The following ARHGEF3 variants were observed in gnomAD, a reference collection of about 807,000 sequenced individuals.
ARHGEF3 encodes Rho guanine nucleotide exchange factor 3, also known as 59.8 kDA protein.
A neutral mutation model predicts 63.2 loss-of-function variants in ARHGEF3; 28 were observed. The ratio of observed to expected loss-of-function variants is 0.44; its 90% confidence interval spans 0.33 to 0.61. ARHGEF3 has a LOEUF of 0.61. Among genes scored for constraint, ARHGEF3 ranks in the 20% least tolerant of loss-of-function variants. The probability of loss-of-function intolerance (pLI) is 0.03; values close to 1 mark genes in which losing one functional copy is unlikely to be tolerated. For missense variants in ARHGEF3, 533 were observed against 659.3 expected (o/e 0.81, Z 2.10); for synonymous variants, 266 against 254.2 (o/e 1.05, Z -0.44).
At chr3:57,036,159 C>G (rs1266490143) in intron 1 of ARHGEF3, among the ~76,000 whole-genome samples, 1 of 152,112 alleles carries the variant, frequency 6.6e-6, no homozygotes, top group Non-Finnish European at 1.5e-5. Context: ...AGTACTCAAT[C>G]AGTACTTAAT....
Position 56,949,494 on chromosome 3 carries a change from A to T in ARHGEF3, c.129+9329T>A, listed in dbSNP as rs1336291554. Among the ~76,000 whole-genome samples the T allele has an allele frequency of 2.6e-5, 4 of 151,488 alleles. 1 individual carries two copies. The highest frequency in any genetic ancestry group is 9.8e-5 in the African/African-American group (4 of 40,832). On this transcript the variant is annotated intron_variant, in intron 3 of 12. Transcript: ENST00000338458. ...ATTCTTATACACCAATAATAGACAA[A>T]CAGAGAGCCAAATCATGAGTGAACT...
chr3:56,882,988 T>A lies in ARHGEF3; in HGVS notation c.130-634A>T, dbSNP rs373822984. 4.6e-5 allele frequency among the ~76,000 whole-genome samples: 7 copies of A among 152,348 alleles called. No individual in the cohort carries two copies. The East Asian group carries it at 7.7e-4, about 17-fold the overall frequency. On this transcript the variant is annotated intron_variant, in intron 3 of 12. Coordinates refer to the ARHGEF3 transcript ENST00000338458. ...AAGGCTTAGAAATTTAGATACAAAG[T>A]TCAGATTCTGACTAACTTGGAAGAG... is the stretch of plus-strand genomic sequence containing the variant.
intron 4 of ARHGEF3, among the ~76,000 whole-genome samples, chr3:56,826,726 G>A (rs977043824): frequency 7.2e-5 from 11 of 152,110 alleles, no homozygotes; most frequent in African/African-American, 2.2e-4. Flanking sequence ...TACCAGCTCA[G>A]CAGATGGAAA....
rs147813375 is a variant in ARHGEF3, at chr3:56,814,303, G to A, written c.193-40487C>T. On this transcript the variant is annotated intron_variant, in intron 4 of 12. Transcript: ENST00000338458. ...AAAACGTTATGAGACTTTTTTTTGC[G>A]ATTTTTTTTAAGCTCATCAGCTATT... Among the ~76,000 whole-genome samples the A allele has an allele frequency of 3.9e-4, 59 of 152,050 alleles. No individual in the cohort carries two copies. The East Asian group carries it at 9.3e-3, about 24-fold the overall frequency.
chr3:56,744,170 G>A (rs966404590), intron 7 of ARHGEF3, among the ~76,000 whole-genome samples: 2 of 151,934 alleles, frequency 1.3e-5, no homozygotes, highest in African/African-American at 2.4e-5. Context: ...CCCCAGGCAC[G>A]ACCTGTCCTG....
chr3:57,004,710 T>C (rs1340833564), intron 2 of ARHGEF3, among the ~76,000 whole-genome samples: 1 of 152,230 alleles, frequency 6.6e-6, no homozygotes, highest in Non-Finnish European at 1.5e-5. Context: ...CTCATGCCTG[T>C]AATCCAGCAC....
At chr3:57,052,064 C>T (rs1704696315) in intron 1 of ARHGEF3, among the ~76,000 whole-genome samples, 1 of 152,152 alleles carries the variant, frequency 6.6e-6, no homozygotes, top group African/African-American at 2.4e-5. Context: ...GTAATTATCA[C>T]ACTAAAGCCA....
chr3:57,035,186 A>G (rs1208232643), intron 1 of ARHGEF3: 2 of 1,428,470 alleles, frequency 1.4e-6, no homozygotes, highest in Non-Finnish European at 1.9e-6. Flanking sequence ...CCTTTTTTAA[A>G]AAGCAAAACA....
chr3:56,746,146 G>A (rs928015561), intron 6 of ARHGEF3, among the ~76,000 whole-genome samples: 2 of 152,142 alleles, frequency 1.3e-5, no homozygotes, highest in Non-Finnish European at 2.9e-5. Context: ...TCTAATCTAA[G>A]AGCTATCAGC....
intron 1 of ARHGEF3, among the ~76,000 whole-genome samples, chr3:56,798,527 T>C (rs2037478790): frequency 7.9e-6 from 1 of 126,404 alleles, no homozygotes; most frequent in Non-Finnish European, 1.7e-5. Context: ...TGCTTCCTTT[T>C]CTTTACTTCG....
At chr3:56,981,182 T>C (rs1394180300) in intron 2 of ARHGEF3, among the ~76,000 whole-genome samples, 1 of 152,244 alleles carries the variant, frequency 6.6e-6, no homozygotes, top group Non-Finnish European at 1.5e-5. Context: ...GACTGAGATA[T>C]CTGCTTGGTG....
chr3:56,749,730 T>C (rs541310572), intron 6 of ARHGEF3, among the ~76,000 whole-genome samples: 1 of 152,338 alleles, frequency 6.6e-6, no homozygotes, highest in South Asian at 2.1e-4. Context: ...TATTAAGGCA[T>C]ATTTTCTAAA....
At chr3:56,949,213 T>G (rs1399184362) in intron 3 of ARHGEF3, among the ~76,000 whole-genome samples, 1 of 151,914 alleles carries the variant, frequency 6.6e-6, no homozygotes, top group Non-Finnish European at 1.5e-5. Context: ...CTTTGAAAAC[T>G]GGCACAAGAC....
Position 56,760,305 on chromosome 3 carries a change from T to TATAATAATATAATATAAAATAATA in ARHGEF3, c.205-5155_205-5154insTATTATTTTATATTATATTATTAT, listed in dbSNP as rs1201845203. ...AGGTATTATTATCAATCTGATAGGT[T>TATAATAATATAATATAAAATAATA]AAACAACTATACCTTAATTTCAGTT... On this transcript the variant is annotated intron_variant, in intron 2 of 9. Coordinates refer to ENST00000296315, the MANE Select transcript of ARHGEF3 (RefSeq NM_019555.3). 4.0e-3 allele frequency among the ~76,000 whole-genome samples: 616 copies of TATAATAATATAATATAAAATAATA among 152,320 alleles called. 1 individual carries two copies. The highest frequency in any genetic ancestry group is 0.014 in the African/African-American group (582 of 41,562).
chr3:56,992,024 CTGTGTGTGTG>C (rs58860849), intron 2 of ARHGEF3, among the ~76,000 whole-genome samples: 30 of 131,710 alleles, frequency 2.3e-4, no homozygotes, highest in African/African-American at 6.7e-4. Context: ...CCTCCTCTCT[CTGTGTGTGTG>C]TGTGTGTGTG....
At chr3:57,043,465 A>C (rs1179317349) in intron 1 of ARHGEF3, among the ~76,000 whole-genome samples, 1 of 145,832 alleles carries the variant, frequency 6.9e-6, no homozygotes, top group African/African-American at 2.5e-5. Flanking sequence ...TATATATGTT[A>C]GTATTACTAA....
chr3:56,792,832 A>T (rs1427037005), intron 1 of ARHGEF3, among the ~76,000 whole-genome samples: 3 of 138,680 alleles, frequency 2.2e-5, no homozygotes, highest in African/African-American at 2.9e-5. Flanking sequence ...TTTTTTTTTT[A>T]AATAGAGACA....
chr3:56,813,872 T>C (rs1054214321), intron 4 of ARHGEF3, among the ~76,000 whole-genome samples: 9 of 148,586 alleles, frequency 6.1e-5, no homozygotes, highest in Non-Finnish European at 1.0e-4. Flanking sequence ...CCACCTGGCA[T>C]CATTCCTGAA....
At chr3:56,968,045 TATATATA>T (rs1700674764) in intron 2 of ARHGEF3, among the ~76,000 whole-genome samples, 1 of 25,742 alleles carries the variant, frequency 3.9e-5, no homozygotes, top group Non-Finnish European at 5.5e-5. Context: ...ATATATAAAA[TATATATA>T]ATATATATAA....
Sources: allele counts gnomAD v4.1 joint callset (sites outside exome capture counted in the v4.1 genomes callset), GRCh38; gene constraint gnomAD v4.1.1; transcripts MANE v1.5; gene names NCBI Gene and HGNC (gene_info 2026-07-23, HGNC 2026-07-21).